RNF212: variants seen among roughly 807,000 people sequenced by gnomAD.
RNF212 encodes the protein probable E3 SUMO-protein ligase RNF212.
In RNF212, 33 loss-of-function variants were observed where a neutral mutation model predicts 34.7. The ratio of observed to expected loss-of-function variants is 0.95; its 90% confidence interval spans 0.72 to 1.27. RNF212 has a LOEUF of 1.27. RNF212 is among the 50% of genes most tolerant of loss of function. The probability of loss-of-function intolerance (pLI) is 0.00; values close to 1 mark genes in which losing one functional copy is unlikely to be tolerated. For missense variants in RNF212, 377 were observed against 362.2 expected, an observed-to-expected ratio of 1.04 and a Z score of -0.33; for synonymous variants, 140 against 136.1, an observed-to-expected ratio of 1.03 and a Z score of -0.20.
intron 3 of RNF212, among the ~76,000 whole-genome samples, chr4:1,065,099 T>C (rs1718005468): frequency 6.6e-6 from 1 of 152,234 alleles, no homozygotes; most frequent in Non-Finnish European, 1.5e-5. Flanking sequence ...TGCTACGATC[T>C]TGGGTATACA....
At chr4:1,108,281 T>C in intron 2 of RNF212, 62 bp downstream of exon 2, 1 of 1,119,634 alleles carries the variant, frequency 8.9e-7, no homozygotes, top group Non-Finnish European at 1.3e-6. Context: ...AAAAATTAAA[T>C]ATCAAATTTA....
intron 2 of RNF212, among the ~76,000 whole-genome samples, chr4:1,102,927 G>C (rs2153061924): frequency 6.6e-6 from 1 of 151,756 alleles, no homozygotes; most frequent in Middle Eastern, 3.4e-3. Context: ...GGATCACGAG[G>C]TCAGGAGATC....
intron 3 of RNF212, among the ~76,000 whole-genome samples, chr4:1,092,920 A>C (rs1198530331): frequency 6.6e-6 from 1 of 152,220 alleles, no homozygotes; most frequent in Non-Finnish European, 1.5e-5. Flanking sequence ...CTTCGGTTCA[A>C]TACCAGTTCT....
At chr4:1,071,141 A>AT (rs1173419826), downstream of RNF212, among the ~76,000 whole-genome samples, 2 of 151,742 alleles carry the variant, frequency 1.3e-5, no homozygotes, top group African/African-American at 4.8e-5. Context: ...TGTTCTTACA[A>AT]TTTTTTCTGT....
At chr4:1,058,290 A>AAGAAGGTGCTTGCGGGGGTGAGAACGCT (rs1560086786) in intron 4 of RNF212, 1 of 366,286 alleles carries the variant, frequency 2.7e-6, no homozygotes, top group Non-Finnish European at 3.7e-6. Flanking sequence ...GTTAGAACGC[A>AAGAAGGTGCTTGCGGGGGTGAGAACGCT]GTGAAGAAGG....
chr4:1,092,364 G>A (rs1302454090), intron 3 of RNF212, among the ~76,000 whole-genome samples: 3 of 152,206 alleles, frequency 2.0e-5, no homozygotes, highest in Non-Finnish European at 2.9e-5. Context: ...GAGTTCTACT[G>A]AGGGTGGAGC....
intron 4 of RNF212, chr4:1,056,539 A>C: frequency 1.0e-6 from 1 of 963,766 alleles, no homozygotes; most frequent in Non-Finnish European, 1.2e-6. Context: ...TGTTACATAC[A>C]AAAAATAAGG....
At chr4:1,075,770 G>A (rs1383335611) in intron 8 of RNF212, among the ~76,000 whole-genome samples, 1 of 152,152 alleles carries the variant, frequency 6.6e-6, no homozygotes, top group Admixed American at 6.5e-5. Flanking sequence ...CAACCTCCTG[G>A]TGGTGATCCT....
At chr4:1,065,473 TTTC>T (rs1186564649) in intron 3 of RNF212, among the ~76,000 whole-genome samples, 1 of 152,208 alleles carries the variant, frequency 6.6e-6, no homozygotes, top group African/African-American at 2.4e-5. Flanking sequence ...CCTCTCTCGT[TTTC>T]TTTTTTCTTG....
intron 2 of RNF212, 110 bp from the exon 3 acceptor site, chr4:1,096,949 G>A: frequency 3.7e-6 from 3 of 820,718 alleles, no homozygotes; most frequent in South Asian, 2.9e-5. Context: ...GACTCAAGTG[G>A]CCAGCACATT....
intron 3 of RNF212, among the ~76,000 whole-genome samples, chr4:1,063,298 CAA>C (rs1193279960): frequency 1.3e-5 from 2 of 152,276 alleles, no homozygotes; most frequent in East Asian, 3.9e-4. Flanking sequence ...TTCATAATTT[CAA>C]AAGTTACTAT....
At chr4:1,062,902 A>G (rs923246649) in intron 3 of RNF212, among the ~76,000 whole-genome samples, 1 of 152,248 alleles carries the variant, frequency 6.6e-6, no homozygotes, top group Non-Finnish European at 1.5e-5. Context: ...TTGTATTTCT[A>G]CATACTAGCA....
In RNF212 at chr4:1,079,647, C is replaced by G; in HGVS notation, c.506G>C (p.Arg169Thr). ...MEVDLSPSPI[R>T]KSEIAAGPAR... ...CAGCAGGAGAGATGCACTTACTTTT[C>G]TAATCGGAGAAGGAGAGAGATCAAC... Residue 169 changes from arginine to threonine, a missense_variant, in exon 8 of 10, where the codon AGA (arginine) becomes ACA (threonine). Physicochemically the swap from Arg to Thr is moderately conservative, Grantham distance 71. Transcript: ENST00000433731. 1 of 1,606,850 alleles carries G rather than the reference C, an allele frequency of 6.2e-7. No individual in the cohort carries two copies. Among genetic ancestry groups the G allele is most frequent in the Non-Finnish European group, 8.5e-7 (1 of 1,173,434 alleles).
intron 4 of RNF212, chr4:1,057,025 A>G (rs1717366187): frequency 1.0e-6 from 1 of 982,530 alleles, no homozygotes; most frequent in Non-Finnish European, 1.2e-6. Flanking sequence ...CAAGAAACAC[A>G]ACATCATGAA....
At chr4:1,111,459 C>T (rs985294254) in intron 1 of RNF212, among the ~76,000 whole-genome samples, 20 of 152,186 alleles carry the variant, frequency 1.3e-4, no homozygotes, top group African/African-American at 4.8e-4. Context: ...CCCCACCCTG[C>T]TGTGCCCCAC....
At chr4:1,056,932 T>A (rs929687777) in intron 4 of RNF212, 4 of 987,750 alleles carry the variant, frequency 4.0e-6, no homozygotes, top group Non-Finnish European at 4.8e-6. Flanking sequence ...AGTCCCCTCT[T>A]CCTGCTCTCC....
At chr4:1,103,673 G>A (rs1433123423) in intron 2 of RNF212, among the ~76,000 whole-genome samples, 1 of 152,080 alleles carries the variant, frequency 6.6e-6, no homozygotes, top group East Asian at 1.9e-4. Context: ...TATAGAATAA[G>A]CTAATAAAAT....
chr4:1,105,736 T>C (rs2153064166), intron 2 of RNF212, among the ~76,000 whole-genome samples: 1 of 60,658 alleles, frequency 1.6e-5, no homozygotes, highest in East Asian at 1.7e-3. Context: ...TGGCATAATA[T>C]AAAGCGTCCT....
chr4:1,099,057 G>A (rs1262604134), intron 2 of RNF212, among the ~76,000 whole-genome samples: 4 of 152,164 alleles, frequency 2.6e-5, no homozygotes, highest in Admixed American at 2.6e-4. Flanking sequence ...CAGCCAAGAA[G>A]TCTACAAAAC....
Sources: allele counts gnomAD v4.1 joint callset (sites outside exome capture counted in the v4.1 genomes callset), GRCh38; gene constraint gnomAD v4.1.1; transcripts MANE v1.5; gene names NCBI Gene and HGNC (gene_info 2026-07-23, HGNC 2026-07-21).